Variants in CRIM1 observed in about 807,000 individuals in gnomAD.
CRIM1 encodes the protein cysteine rich transmembrane BMP regulator 1.
Under a neutral mutation model 116.4 loss-of-function variants are expected in CRIM1, and 32 were observed. The observed-to-expected ratio is 0.27, with a 90% CI of 0.21 to 0.37. CRIM1 has a LOEUF of 0.37. CRIM1 is among the 10% of genes least tolerant of loss of function. CRIM1 has a pLI of 1.00. For missense variants in CRIM1, 1,331 were observed against 1,354.8 expected (o/e 0.98, Z 0.28); for synonymous variants, 590 against 509.2 (o/e 1.16, Z -2.13).
rs1673880548 is a variant in CRIM1, at chr2:36,419,380, C to A, written c.506-21878C>A. On this transcript the variant is annotated intron_variant, in intron 2 of 16. Transcript: ENST00000280527. ...CATGGTTCAGTAAAAACTACAGCTC[C>A]TTGAAGTACTTTTGTTAATATTCTA... Among the ~76,000 whole-genome samples the A allele has an allele frequency of 2.0e-5, 3 of 152,144 alleles. No homozygotes were observed. The South Asian group carries it at 6.2e-4, about 32-fold the overall frequency.
At chr2:36,512,142 A>C in intron 9 of CRIM1, 131 bp from the exon 10 acceptor site, 2 of 1,087,814 alleles carry the variant, frequency 1.8e-6, no homozygotes, top group Non-Finnish European at 2.7e-6. Flanking sequence ...TCACTCCAGG[A>C]ATCTTTGAGA....
Position 36,356,356 on chromosome 2 carries a change from G to GGGC in CRIM1, c.65_67dup (p.Gly22_Leu23insArg). Reference sequence around the variant, plus strand: ...CGGGCACCTCCTGGTCTCGCTGCTGGGGCTGCTGCTGCTGCTGGCGCGCTC... The same window carrying GGGC: ...CGGGCACCTCCTGGTCTCGCTGCTGGGGCGGCTGCTGCTGCTGCTGGCGCGCTC... On this transcript the variant is annotated inframe_insertion, in exon 1 of 17. Coordinates refer to ENST00000280527, the MANE Select transcript of CRIM1 (RefSeq NM_016441.3). This position sits in a 1 kb window ranked among gnomAD's most constrained non-coding sequence, Gnocchi z 4.3. The GGGC allele has an allele frequency of 1.3e-6, 2 of 1,593,662 alleles. No homozygotes were observed. Among genetic ancestry groups the GGGC allele is most frequent in the Non-Finnish European group, 1.7e-6 (2 of 1,172,522 alleles).
rs1036381942 is a variant in CRIM1 at position 36,423,805 on chromosome 2, C to T, written c.506-17453C>T. On this transcript the variant is annotated intron_variant, in intron 2 of 16. Transcript: ENST00000280527. The stretch of plus-strand genomic sequence containing the variant: ...AACTAATAATAGATGCTTACTTATG[C>T]ACCAGGTATTAGTCTAAGCCATTGA... 9.9e-5 allele frequency among the ~76,000 whole-genome samples: 15 copies of T among 152,236 alleles called. No individual in the cohort carries two copies. In the South Asian group the frequency reaches 2.3e-3, roughly 23 times the overall value.
intron 7 of CRIM1, among the ~76,000 whole-genome samples, chr2:36,497,281 A>T (rs2888369): frequency 0.6 from 90,617 of 152,066 alleles, 27,926 homozygotes; most frequent in South Asian, 0.72. Flanking sequence ...TCTAGAACAT[A>T]GAAGTCCTTT....
At position 36,380,677 on chromosome 2, in the gene CRIM1, G is replaced by A. The variant is rs139335388; in HGVS notation, c.332-15937G>A. ...GGGGAAGATTTTGCTTTGGGAGGTT[G>A]AAGTTTTGTTTGCCCTCCGAATGAA... On this transcript the variant is annotated intron_variant, in intron 1 of 16. Coordinates refer to ENST00000280527, the MANE Select transcript of CRIM1 (RefSeq NM_016441.3). Among the ~76,000 whole-genome samples the A allele has an allele frequency of 2.8e-3, 425 of 152,334 alleles. No individual in the cohort carries two copies. In the Middle Eastern group the frequency reaches 0.031, roughly 11 times the overall value.
rs3770961 is a variant in CRIM1 at position 36,361,442 on chromosome 2, G to A, written c.331+4819G>A. Among the ~76,000 whole-genome samples, 5 of 152,094 alleles carry A rather than the reference G, an allele frequency of 3.3e-5. No individual in the cohort carries two copies. The East Asian group carries it at 7.7e-4, about 23-fold the overall frequency. ...GTGGTTTGTTGAAGATGCAATGACCGGGATGAATGAGTGAACAGCTGGGTG... is the reference window on the plus strand; with the variant it reads ...GTGGTTTGTTGAAGATGCAATGACCAGGATGAATGAGTGAACAGCTGGGTG... On this transcript the variant is annotated intron_variant, in intron 1 of 16. Coordinates refer to ENST00000280527, the MANE Select transcript of CRIM1 (RefSeq NM_016441.3).
chr2:36,420,764 A>T (rs1051724519), intron 2 of CRIM1, among the ~76,000 whole-genome samples: 4 of 152,206 alleles, frequency 2.6e-5, no homozygotes, highest in Non-Finnish European at 5.9e-5. Context: ...AACAGCTCTC[A>T]TGTGACTGGA....
At chr2:36,463,263 C>T (rs1158500758) in intron 4 of CRIM1, among the ~76,000 whole-genome samples, 1 of 152,130 alleles carries the variant, frequency 6.6e-6, no homozygotes. Context: ...ATCTCTGGGC[C>T]TCATTATTGA....
At chr2:36,494,070 G>A (rs1354975976) in intron 7 of CRIM1, among the ~76,000 whole-genome samples, 1 of 152,206 alleles carries the variant, frequency 6.6e-6, no homozygotes, top group Non-Finnish European at 1.5e-5. Context: ...AGAAAGTAGA[G>A]AGCTTAGATT....
chr2:36,459,956 G>C (rs1300559515), intron 4 of CRIM1, among the ~76,000 whole-genome samples: 1 of 152,164 alleles, frequency 6.6e-6, no homozygotes, highest in East Asian at 1.9e-4. Flanking sequence ...AGGACATGAA[G>C]GGAAAGCTTA....
chr2:36,458,829 T>G (rs976918413), intron 4 of CRIM1, among the ~76,000 whole-genome samples: 9 of 152,182 alleles, frequency 5.9e-5, no homozygotes, highest in African/African-American at 1.7e-4. Context: ...TTTATTATGA[T>G]CCACCTGTCT....
intron 1 of CRIM1, among the ~76,000 whole-genome samples, chr2:36,378,158 T>A (rs1670460234): frequency 6.6e-6 from 1 of 152,208 alleles, no homozygotes; most frequent in Non-Finnish European, 1.5e-5. Context: ...AGATAGATGC[T>A]CTGTAATTGA....
chr2:36,390,529 T>C (rs1042363272), intron 1 of CRIM1, among the ~76,000 whole-genome samples: 1 of 152,264 alleles, frequency 6.6e-6, no homozygotes, highest in Admixed American at 6.5e-5. Flanking sequence ...GTTACCAGAA[T>C]TAAACATAAC....
At chr2:36,425,983 C>T (rs891111858) in intron 2 of CRIM1, among the ~76,000 whole-genome samples, 20 of 152,262 alleles carry the variant, frequency 1.3e-4, no homozygotes, top group African/African-American at 4.8e-4. Flanking sequence ...AGCCAACCAC[C>T]CAATTGTTTT....
At chr2:36,541,764 G>A (rs1215111754) in intron 14 of CRIM1, among the ~76,000 whole-genome samples, 1 of 152,172 alleles carries the variant, frequency 6.6e-6, no homozygotes, top group African/African-American at 2.4e-5. Context: ...ATGTAGCTTT[G>A]TGTAAATCTC....
chr2:36,372,473 A>G (rs1670007623), intron 1 of CRIM1, among the ~76,000 whole-genome samples: 1 of 152,234 alleles, frequency 6.6e-6, no homozygotes, highest in Admixed American at 6.5e-5. Flanking sequence ...TTAGAAACTT[A>G]AGGATACATA....
chr2:36,469,287 G>A (rs1220416092), intron 5 of CRIM1, among the ~76,000 whole-genome samples: 1 of 152,102 alleles, frequency 6.6e-6, no homozygotes, highest in Non-Finnish European at 1.5e-5. Flanking sequence ...TCAGAGAAAG[G>A]GGATCTGAAT....
rs748144004 is a variant in CRIM1, at chr2:36,527,652, AC to A, written c.2428+5340del. On this transcript the variant is annotated intron_variant, in intron 13 of 16. Transcript: ENST00000280527. Reference sequence around the variant, plus strand: ...GTTTATTTAAACATAACTCTACTAAACTGGTATCTTAGAGATATATAGCATC... The same window carrying A: ...GTTTATTTAAACATAACTCTACTAAATGGTATCTTAGAGATATATAGCATC... 4.7e-4 allele frequency among the ~76,000 whole-genome samples: 71 copies of A among 152,320 alleles called. 2 individuals are homozygous for A. Among genetic ancestry groups the A allele is most frequent in the East Asian group, 4.0e-3 (21 of 5,194 alleles).
intron 4 of CRIM1, among the ~76,000 whole-genome samples, chr2:36,450,585 A>T (rs1241339654): frequency 6.6e-6 from 1 of 152,154 alleles, no homozygotes; most frequent in Admixed American, 6.5e-5. Context: ...TCTCTCCCAT[A>T]AAACATTGAC....
Sources: gnomAD v4.1 joint callset for allele counts (sites outside exome capture counted in the v4.1 genomes callset) on GRCh38, gnomAD v4.1.1 for gene constraint, Gnocchi (gnomAD v3.1) non-coding constraint, MANE v1.5 for transcripts, NCBI Gene and HGNC (gene_info 2026-07-23, HGNC 2026-07-21) for gene names.